The following RBFOX1 variants were observed in gnomAD, a reference collection of about 807,000 sequenced individuals.
RBFOX1 encodes RNA binding protein fox-1 homolog 1.
Under a neutral mutation model 57.7 loss-of-function variants are expected in RBFOX1, and 8 were observed. That is an observed-to-expected ratio of 0.14 (90% CI 0.08 to 0.25). The LOEUF (loss-of-function observed/expected upper bound fraction) is 0.25. Ranked by LOEUF, RBFOX1 falls within the 10% of genes least tolerant of loss-of-function variation. The pLI, the probability that RBFOX1 is intolerant of heterozygous loss-of-function variation, is 1.00. For synonymous variants in RBFOX1, 326 were observed against 222.4 expected, an observed-to-expected ratio of 1.47 and a Z score of -4.15; for missense variants, 611 against 548.5, an observed-to-expected ratio of 1.11 and a Z score of -1.14.
At chr16:7,239,612 T>C (rs1567847581) in intron 4 of RBFOX1, among the ~76,000 whole-genome samples, 1 of 152,164 alleles carries the variant, frequency 6.6e-6, no homozygotes, top group Admixed American at 6.5e-5. Context: ...CAGAAAACAC[T>C]GAGCTTCTCT....
rs551868649 is a variant in RBFOX1 at position 7,608,571 on chromosome 16, T to G, written c.676+1233T>G. On this transcript the variant is annotated intron_variant, in intron 10 of 15. Transcript: ENST00000550418. ...TGATCATATTGCAAACCCTACCACCTGAGAAGACACCTCTGCTGAGTAAGG... is the reference window on the plus strand; with the variant it reads ...TGATCATATTGCAAACCCTACCACCGGAGAAGACACCTCTGCTGAGTAAGG... Among the ~76,000 whole-genome samples the G allele has an allele frequency of 3.9e-5, 6 of 152,260 alleles. No individual in the cohort carries two copies. In the South Asian group the frequency reaches 1.2e-3, roughly 32 times the overall value.
At chr16:6,926,532 G>T (rs1435198062) in intron 3 of RBFOX1, among the ~76,000 whole-genome samples, 1 of 152,148 alleles carries the variant, frequency 6.6e-6, no homozygotes. Context: ...GCCAGGGAGA[G>T]GCTTTCTGGA....
rs540896519 is a variant in RBFOX1 at position 7,030,315 on chromosome 16, C to A, written c.-15-21742C>A. ...CCATTTTACAGATGAGGAAATGAGG[C>A]ATATGAAATGTATTCATTTCCTAGC... On this transcript the variant is annotated intron_variant, in intron 3 of 15. Transcript: ENST00000550418. Among the ~76,000 whole-genome samples the A allele has an allele frequency of 1.1e-3, 160 of 152,244 alleles. 1 individual carries two copies. Among genetic ancestry groups the A allele is most frequent in the African/African-American group, 3.5e-3 (147 of 41,536 alleles).
chr16:7,127,243 T>A (rs577197602), intron 4 of RBFOX1, among the ~76,000 whole-genome samples: 3 of 152,186 alleles, frequency 2.0e-5, no homozygotes, highest in African/African-American at 4.8e-5. Flanking sequence ...CTCCATACTT[T>A]CCTGTATCCA....
chr16:5,292,629 G>GATTTATTT (rs35285859), intron 1 of RBFOX1, among the ~76,000 whole-genome samples: 150 of 150,428 alleles, frequency 1.0e-3, no homozygotes, highest in African/African-American at 2.6e-3. Context: ...ATATCAGAGG[G>GATTTATTT]ATTTATTTAT....
chr16:5,912,452 G>A (rs1461648080), intron 4 of RBFOX1, among the ~76,000 whole-genome samples: 4 of 152,190 alleles, frequency 2.6e-5, no homozygotes, highest in African/African-American at 4.8e-5. Flanking sequence ...GACATGTCAC[G>A]GCCACCTGGC....
chr16:6,923,442 A>T (rs1188719250), intron 3 of RBFOX1, among the ~76,000 whole-genome samples: 1 of 152,174 alleles, frequency 6.6e-6, no homozygotes, highest in East Asian at 1.9e-4. Context: ...CTGAGGAAGG[A>T]GAGTTGCTGG....
At chr16:7,437,669 G>A (rs1203401247) in intron 4 of RBFOX1, among the ~76,000 whole-genome samples, 4 of 152,062 alleles carry the variant, frequency 2.6e-5, no homozygotes, top group Admixed American at 6.6e-5. Context: ...GATTAAGGCC[G>A]GAGTAGGCAA....
At chr16:6,546,764 C>G (rs1485276454) in intron 2 of RBFOX1, among the ~76,000 whole-genome samples, 1 of 152,146 alleles carries the variant, frequency 6.6e-6, no homozygotes, top group African/African-American at 2.4e-5. Flanking sequence ...ATGATTTAAC[C>G]CCTAGCGGAT....
intron 3 of RBFOX1, among the ~76,000 whole-genome samples, chr16:5,773,474 G>C (rs2054045412): frequency 2.0e-5 from 3 of 152,276 alleles, no homozygotes. Flanking sequence ...CTGTGTCGTA[G>C]TTGATTCTAA....
chr16:6,721,110 T>A (rs1158392778), intron 3 of RBFOX1, among the ~76,000 whole-genome samples: 1 of 151,564 alleles, frequency 6.6e-6, no homozygotes, highest in Non-Finnish European at 1.5e-5. Flanking sequence ...TGTAACCATT[T>A]TAAAAAATGT....
chr16:6,971,132 A>G (rs1598740795), intron 3 of RBFOX1, among the ~76,000 whole-genome samples: 2 of 152,310 alleles, frequency 1.3e-5, no homozygotes, highest in African/African-American at 4.8e-5. Flanking sequence ...GACATTTGAC[A>G]ATTGAGTGGG....
intron 2 of RBFOX1, among the ~76,000 whole-genome samples, chr16:5,475,640 A>G (rs2069294916): frequency 6.6e-6 from 1 of 152,176 alleles, no homozygotes. Context: ...CACATATAGA[A>G]TTTCTCACCT....
chr16:7,180,061 C>A (rs924093633), intron 4 of RBFOX1, among the ~76,000 whole-genome samples: 2 of 152,060 alleles, frequency 1.3e-5, no homozygotes, highest in African/African-American at 4.8e-5. Context: ...ATATTTTGAA[C>A]AGAGCCTGCT....
chr16:5,823,427 G>A (rs1199191472), intron 3 of RBFOX1, among the ~76,000 whole-genome samples: 1 of 152,164 alleles, frequency 6.6e-6, no homozygotes, highest in Non-Finnish European at 1.5e-5. Context: ...GTTCTATTGA[G>A]GGAATAGTCG....
At chr16:7,678,525 A>G (rs1010832678) in intron 14 of RBFOX1, among the ~76,000 whole-genome samples, 1 of 152,188 alleles carries the variant, frequency 6.6e-6, no homozygotes, top group Admixed American at 6.5e-5. Context: ...GTATATAATT[A>G]TAATCATAGT....
intron 2 of RBFOX1, among the ~76,000 whole-genome samples, chr16:6,572,077 C>G (rs952747679): frequency 6.6e-5 from 10 of 152,074 alleles, no homozygotes; most frequent in African/African-American, 2.4e-4. Flanking sequence ...GATTTTTCTG[C>G]CAATACACAC....
chr16:6,466,294 A>AAAT (rs1262483375), intron 2 of RBFOX1, among the ~76,000 whole-genome samples: 4 of 151,554 alleles, frequency 2.6e-5, no homozygotes, highest in Non-Finnish European at 5.9e-5. Context: ...AATATTCTTG[A>AAAT]CTGCATCTTA....
At chr16:6,564,513 G>T (rs1275730742) in intron 2 of RBFOX1, among the ~76,000 whole-genome samples, 2 of 151,974 alleles carry the variant, frequency 1.3e-5, no homozygotes, top group African/African-American at 4.8e-5. Context: ...GGTAAACCTG[G>T]GGGACACCGT....
Sources: allele counts gnomAD v4.1 joint callset (sites outside exome capture counted in the v4.1 genomes callset), GRCh38; gene constraint gnomAD v4.1.1; transcripts MANE v1.5; gene names NCBI Gene and HGNC (gene_info 2026-07-23, HGNC 2026-07-21).